Variants in NTM observed in about 807,000 individuals in gnomAD.
The protein encoded by NTM is IgLON family member 2.
In NTM, 13 loss-of-function variants were observed where a neutral mutation model predicts 42.1. The ratio of observed to expected loss-of-function variants is 0.31; its 90% confidence interval spans 0.20 to 0.49. The LOEUF (loss-of-function observed/expected upper bound fraction) is 0.49, where lower values mean the gene tolerates loss of function less well. Among genes scored for constraint, NTM ranks in the 20% least tolerant of loss-of-function variants. NTM has a pLI of 0.99. For missense variants in NTM, 373 were observed against 452.8 expected (o/e 0.82, Z 1.60); for synonymous variants, 187 against 179.2 (o/e 1.04, Z -0.35).
chr11:132,012,751 A>C (rs1009251308), intron 2 of NTM, among the ~76,000 whole-genome samples: 2 of 152,214 alleles, frequency 1.3e-5, no homozygotes, highest in African/African-American at 4.8e-5. Context: ...AAATCCATAC[A>C]CAGTAGTGAA....
At chr11:131,796,853 T>A (rs2091625861) in intron 1 of NTM, among the ~76,000 whole-genome samples, 1 of 152,214 alleles carries the variant, frequency 6.6e-6, no homozygotes, top group African/African-American at 2.4e-5. Context: ...TCTTCCTTCC[T>A]CCTAGAGAGA....
At chr11:131,831,540 C>T (rs1352109744) in intron 1 of NTM, among the ~76,000 whole-genome samples, 1 of 152,126 alleles carries the variant, frequency 6.6e-6, no homozygotes, top group Non-Finnish European at 1.5e-5. Flanking sequence ...GGTGACTTCC[C>T]CAAGCCTCCA....
intron 1 of NTM, among the ~76,000 whole-genome samples, chr11:131,899,354 G>A (rs1398769593): frequency 1.3e-5 from 2 of 152,122 alleles, no homozygotes; most frequent in African/African-American, 4.8e-5. Context: ...CATAAATCAT[G>A]CACACACTTT....
intron 1 of NTM, among the ~76,000 whole-genome samples, chr11:131,799,910 T>C (rs1259651931): frequency 6.6e-6 from 1 of 152,184 alleles, no homozygotes; most frequent in African/African-American, 2.4e-5. Flanking sequence ...CCTCTCCCCA[T>C]ATATAAGAAC....
intron 4 of NTM, among the ~76,000 whole-genome samples, chr11:132,276,137 C>T (rs2093719338): frequency 6.6e-6 from 1 of 151,952 alleles, no homozygotes; most frequent in Non-Finnish European, 1.5e-5. Flanking sequence ...AACCTGCTGC[C>T]CTCCAGGTTC....
chr11:131,482,123 A>G (rs181184221), intron 1 of NTM, among the ~76,000 whole-genome samples: 1 of 152,344 alleles, frequency 6.6e-6, no homozygotes, highest in African/African-American at 2.4e-5. Context: ...GGGAGCATTA[A>G]TGACCATTAA....
chr11:131,646,263 G>A (rs142026879), intron 1 of NTM, among the ~76,000 whole-genome samples: 1 of 152,196 alleles, frequency 6.6e-6, no homozygotes, highest in African/African-American at 2.4e-5. Flanking sequence ...CAGCAGAGCT[G>A]AATAGTTGAA....
chr11:131,687,696 C>T (rs1226932256), intron 1 of NTM, among the ~76,000 whole-genome samples: 1 of 152,186 alleles, frequency 6.6e-6, no homozygotes, highest in Non-Finnish European at 1.5e-5. Flanking sequence ...AAGGTTTGTG[C>T]TCCTCAAAGA....
At chr11:131,390,138 G>T (rs1230861468) in intron 1 of NTM, among the ~76,000 whole-genome samples, 2 of 152,214 alleles carry the variant, frequency 1.3e-5, no homozygotes, top group South Asian at 2.1e-4. Flanking sequence ...TTTGGGTGAG[G>T]CCTCAGGAAG....
intron 1 of NTM, among the ~76,000 whole-genome samples, chr11:131,392,085 A>G (rs978104939): frequency 5.3e-5 from 8 of 152,262 alleles, no homozygotes; most frequent in Admixed American, 1.3e-4. Context: ...TAAAATACTA[A>G]TAAGTAGAGG....
chr11:132,045,534 A>G (rs780338696), intron 2 of NTM, among the ~76,000 whole-genome samples: 6 of 152,142 alleles, frequency 3.9e-5, no homozygotes, highest in Non-Finnish European at 8.8e-5. Flanking sequence ...CCATGCAAGT[A>G]TTTATTTTTC....
At chr11:132,163,798 T>A (rs1476585917) in intron 3 of NTM, among the ~76,000 whole-genome samples, 1 of 152,192 alleles carries the variant, frequency 6.6e-6, no homozygotes, top group Non-Finnish European at 1.5e-5. Context: ...TGCTGCGCAT[T>A]GAGATACTTG....
chr11:131,970,296 G>C (rs532044622), intron 2 of NTM, among the ~76,000 whole-genome samples: 1 of 152,156 alleles, frequency 6.6e-6, no homozygotes, highest in Non-Finnish European at 1.5e-5. Context: ...GGATTTGATT[G>C]TATGTTTTCT....
intron 1 of NTM, among the ~76,000 whole-genome samples, chr11:131,854,901 T>A (rs1472953961): frequency 6.6e-6 from 1 of 152,118 alleles, no homozygotes; most frequent in Non-Finnish European, 1.5e-5. Context: ...TCTAAAAGAT[T>A]GTTCAAACTG....
chr11:132,258,049 A>G (rs146897099), intron 4 of NTM, among the ~76,000 whole-genome samples: 5 of 152,314 alleles, frequency 3.3e-5, no homozygotes, highest in African/African-American at 1.2e-4. Context: ...CATTTCTAAC[A>G]CAGCCCTTCT....
chr11:131,866,614 C>T (rs1386425399), intron 1 of NTM, among the ~76,000 whole-genome samples: 4 of 152,262 alleles, frequency 2.6e-5, no homozygotes, highest in Non-Finnish European at 5.9e-5. Flanking sequence ...AATACCTGCG[C>T]CCTCCATGGC....
At chr11:131,829,184 A>G (rs1243830355) in intron 1 of NTM, among the ~76,000 whole-genome samples, 1 of 152,198 alleles carries the variant, frequency 6.6e-6, no homozygotes, top group Non-Finnish European at 1.5e-5. Context: ...ACTTAAAAAA[A>G]AAATGATTAC....
rs150151013 is a variant in NTM, at chr11:131,415,404, ACT to A, written c.82+44519_82+44520del. On this transcript the variant is annotated intron_variant, in intron 1 of 8. Transcript: ENST00000683400. Reference sequence around the variant, plus strand: ...GAATGCTATTCGTCTAAGCTGACAAACTCTTCTCCAGGCAAGGTCATTATGGG... The same window carrying A: ...GAATGCTATTCGTCTAAGCTGACAAACTTCTCCAGGCAAGGTCATTATGGG... Among the ~76,000 whole-genome samples, 532 of 151,810 alleles carry A rather than the reference ACT, an allele frequency of 3.5e-3. 9 individuals carry two copies. The highest frequency in any genetic ancestry group is 0.029 in the Admixed American group (449 of 15,252).
chr11:131,996,568 C>T (rs1169372323), intron 2 of NTM, among the ~76,000 whole-genome samples: 1 of 152,138 alleles, frequency 6.6e-6, no homozygotes, highest in African/African-American at 2.4e-5. Context: ...CTTAGAGCAG[C>T]CATATGAGGC....
Sources: allele counts gnomAD v4.1 joint callset (sites outside exome capture counted in the v4.1 genomes callset), GRCh38; gene constraint gnomAD v4.1.1; transcripts MANE v1.5; gene names NCBI Gene and HGNC (gene_info 2026-07-23, HGNC 2026-07-21).